Variants in WIPF1 observed in about 807,000 individuals in gnomAD.
WIPF1 encodes WAS/WASL-interacting protein family member 1.
WIPF1 carries 13 observed loss-of-function variants against 35.4 expected under a neutral mutation model. That is an observed-to-expected ratio of 0.37 (90% CI 0.24 to 0.58). WIPF1 has a LOEUF of 0.58. Ranked by LOEUF, WIPF1 falls within the 20% of genes least tolerant of loss-of-function variation. WIPF1 has a pLI of 0.74. For synonymous variants in WIPF1, 267 were observed against 266.3 expected (o/e 1.00, Z -0.02); for missense variants, 591 against 667.0 (o/e 0.89, Z 1.25).
intron 1 of WIPF1, among the ~76,000 whole-genome samples, chr2:174,591,281 G>A (rs1357020746): frequency 6.6e-6 from 1 of 152,150 alleles, no homozygotes; most frequent in Non-Finnish European, 1.5e-5. Context: ...CCAGGCTGTG[G>A]TATTTTATTA....
intron 1 of WIPF1, among the ~76,000 whole-genome samples, chr2:174,634,160 T>A (rs1687111868): frequency 6.6e-6 from 1 of 152,218 alleles, no homozygotes; most frequent in Non-Finnish European, 1.5e-5. Flanking sequence ...CACAGATGTC[T>A]GCAAACACAG....
At chr2:174,606,561 CA>C (rs1458059031) in intron 1 of WIPF1, among the ~76,000 whole-genome samples, 2 of 152,198 alleles carry the variant, frequency 1.3e-5, no homozygotes. Flanking sequence ...GCCTGAATGA[CA>C]CTTAACAGAT....
chr2:174,592,199 A>G (rs1685636784), intron 1 of WIPF1, among the ~76,000 whole-genome samples: 1 of 152,228 alleles, frequency 6.6e-6, no homozygotes, highest in Non-Finnish European at 1.5e-5. Context: ...CCTAGGGCCC[A>G]CACTACAGAA....
Position 174,571,748 on chromosome 2 carries a change from G to A in WIPF1, c.1057C>T (p.Arg353Cys), listed in dbSNP as rs1408936182. 6 of 1,614,052 alleles carry A rather than the reference G, an allele frequency of 3.7e-6. No homozygotes were observed. Among genetic ancestry groups the A allele is most frequent in the Admixed American group, 3.3e-5 (2 of 60,002 alleles). Reference sequence around the variant, plus strand: ...GGCGGGGGAGGAAGAGGACCTGAACGTCCTGGCGAAGGTAACGGGGGCGTG... The same window carrying A: ...GGCGGGGGAGGAAGAGGACCTGAACATCCTGGCGAAGGTAACGGGGGCGTG... ...SSTPPLPSPG[R>C]SGPLPPPPSE... The change falls in exon 5 of 8, where the codon CGT becomes TGT. Residue 353 changes from arginine (R) to cysteine (C), a missense_variant. Arg to Cys is a radical substitution (Grantham distance 180). Transcript: ENST00000679041. This position sits in a 1 kb window ranked among gnomAD's most constrained non-coding sequence, Gnocchi z 4.6.
At chr2:174,673,870 G>C (rs541079546) in intron 1 of WIPF1, 63 of 149,946 alleles carry the variant, frequency 4.2e-4, no homozygotes, top group African/African-American at 1.5e-3. Context: ...CAGACATCAA[G>C]CATTCACAGG....
chr2:174,664,286 G>A (rs1687842336), intron 1 of WIPF1, among the ~76,000 whole-genome samples: 1 of 152,200 alleles, frequency 6.6e-6, no homozygotes, highest in Non-Finnish European at 1.5e-5. Flanking sequence ...CGCAGGGAGT[G>A]CGGAGGAGCT....
chr2:174,679,021 C>T (rs1185632600), intron 1 of WIPF1, among the ~76,000 whole-genome samples: 3 of 152,232 alleles, frequency 2.0e-5, no homozygotes, highest in Admixed American at 2.0e-4. Flanking sequence ...CAGGCTAACA[C>T]TGATAAATGT....
chr2:174,570,196 A>C (rs1684783947), intron 5 of WIPF1, among the ~76,000 whole-genome samples: 1 of 152,232 alleles, frequency 6.6e-6, no homozygotes, highest in Non-Finnish European at 1.5e-5. Context: ...TAGCTGTTAC[A>C]AGTCAGGCTG....
chr2:174,639,967 C>T (rs75861593), intron 1 of WIPF1, among the ~76,000 whole-genome samples: 4,170 of 152,000 alleles, frequency 0.027, 193 homozygotes, highest in African/African-American at 0.095. Flanking sequence ...ATAGAAGCAT[C>T]CAAATTGGAA....
At position 174,590,575 on chromosome 2, in the gene WIPF1, C is replaced by T. The variant is rs1685572166; in HGVS notation, c.-38-4964G>A. Among the ~76,000 whole-genome samples the T allele has an allele frequency of 6.6e-6, 1 of 152,104 alleles. No individual in the cohort carries two copies. ...GCAGCTGATTCGGGTGCAGGAGAGA[C>T]GCAAGAAGGGAAGGGACTCAGCAGC... On this transcript the variant is annotated intron_variant, in intron 1 of 7. Transcript: ENST00000679041. This position sits in a 1 kb window ranked among gnomAD's most constrained non-coding sequence, Gnocchi z 4.6.
In WIPF1 at chr2:174,564,796, C is replaced by G. The variant is rs1174770531; in HGVS notation, c.1457-2194G>C. Among the ~76,000 whole-genome samples, 3 of 148,700 alleles carry G rather than the reference C, an allele frequency of 2.0e-5. No homozygotes were observed. In the Admixed American group the frequency reaches 2.0e-4, roughly 10 times the overall value. ...GAAGAAGGGCTGTACTCTTATCAAA[C>G]AGAAGCCCTTCTTCTGGTGCACACA... is the stretch of plus-strand genomic sequence containing the variant. On this transcript the variant is annotated intron_variant, in intron 7 of 7. Transcript: ENST00000679041.
rs143948433 is a variant in WIPF1 at position 174,572,144 on chromosome 2, G to A, written c.661C>T (p.Pro221Ser). The A allele has an allele frequency of 1.9e-6, 3 of 1,613,132 alleles. No individual in the cohort carries two copies. Among genetic ancestry groups the A allele is most frequent in the East Asian group, 4.5e-5 (2 of 44,878 alleles). ...RQPSPGPTPP[P>S]FPGNRGTALG... ...GCAGTGCCGCGGTTTCCAGGGAAAGGGGGAGGAGTGGGCCCGGGGCTGGGC... is the reference window on the plus strand; with the variant it reads ...GCAGTGCCGCGGTTTCCAGGGAAAGAGGGAGGAGTGGGCCCGGGGCTGGGC... Residue 221 changes from proline (P) to serine (S), a missense_variant, in exon 5 of 8, where the codon CCT (proline) becomes TCT (serine). Transcript: ENST00000679041.
intron 2 of WIPF1, among the ~76,000 whole-genome samples, chr2:174,584,669 T>A (rs1479819757): frequency 6.6e-6 from 1 of 152,146 alleles, no homozygotes; most frequent in Non-Finnish European, 1.5e-5. Context: ...CCCAGCACTT[T>A]GGGAGGCCGA....
At chr2:174,636,880 T>G (rs1687193757) in intron 1 of WIPF1, among the ~76,000 whole-genome samples, 1 of 152,230 alleles carries the variant, frequency 6.6e-6, no homozygotes, top group Non-Finnish European at 1.5e-5. Context: ...GATTTAATAC[T>G]GCTGGTGTTG....
intron 1 of WIPF1, among the ~76,000 whole-genome samples, chr2:174,666,207 G>A (rs971731607): frequency 2.0e-5 from 3 of 152,228 alleles, no homozygotes; most frequent in African/African-American, 7.2e-5. Flanking sequence ...TTGGCTGCAA[G>A]TGAGCCATGA....
At chr2:174,563,348 G>C (rs1451898989) in intron 7 of WIPF1, among the ~76,000 whole-genome samples, 1 of 152,184 alleles carries the variant, frequency 6.6e-6, no homozygotes. Context: ...GAGGAGGGAT[G>C]ATGGCTTGAG....
intron 1 of WIPF1, among the ~76,000 whole-genome samples, chr2:174,659,567 T>C (rs915627609): frequency 3.3e-5 from 5 of 152,260 alleles, no homozygotes; most frequent in East Asian, 1.9e-4. Context: ...GACCACTGCT[T>C]ATGTAGGGAA....
chr2:174,620,152 G>C (rs140824182), intron 1 of WIPF1, among the ~76,000 whole-genome samples: 121 of 152,322 alleles, frequency 7.9e-4, no homozygotes, highest in African/African-American at 2.7e-3. Context: ...CCAATGTTGA[G>C]ACCACTGACG....
At chr2:174,606,881 C>T (rs1259300271) in intron 1 of WIPF1, among the ~76,000 whole-genome samples, 1 of 152,128 alleles carries the variant, frequency 6.6e-6, no homozygotes, top group Non-Finnish European at 1.5e-5. Context: ...ATACTGGCGA[C>T]TGAGTAATTT....
Sources: allele counts gnomAD v4.1 joint callset (sites outside exome capture counted in the v4.1 genomes callset), GRCh38; gene constraint gnomAD v4.1.1; non-coding constraint Gnocchi (gnomAD v3.1); transcripts MANE v1.5; gene names NCBI Gene and HGNC (gene_info 2026-07-23, HGNC 2026-07-21).